The following DPP10 variants were observed in gnomAD, a reference collection of about 807,000 sequenced individuals.
The protein encoded by DPP10 is inactive dipeptidyl peptidase 10.
DPP10 carries 33 observed loss-of-function variants against 120.9 expected under a neutral mutation model. That is an observed-to-expected ratio of 0.27 (90% CI 0.21 to 0.37). The LOEUF (loss-of-function observed/expected upper bound fraction) is 0.37. DPP10 is among the 10% of genes least tolerant of loss of function. The probability of loss-of-function intolerance (pLI) is 1.00; values close to 1 mark genes in which losing one functional copy is unlikely to be tolerated. For synonymous variants in DPP10, 337 were observed against 326.1 expected (o/e 1.03, Z -0.36); for missense variants, 816 against 942.8 (o/e 0.87, Z 1.76).
chr2:114,980,263 G>A (rs1472064436), intron 1 of DPP10, among the ~76,000 whole-genome samples: 4 of 152,060 alleles, frequency 2.6e-5, no homozygotes, highest in Non-Finnish European at 4.4e-5. Context: ...TTGTGACTGT[G>A]TGTGTTTTAC....
intron 1 of DPP10, among the ~76,000 whole-genome samples, chr2:115,299,884 A>G (rs903281534): frequency 1.1e-4 from 17 of 152,058 alleles, no homozygotes; most frequent in Non-Finnish European, 1.5e-5. Context: ...TTTCACTGGA[A>G]TTACTTTAAA....
rs1449980548 is a variant in DPP10 at position 115,371,626 on chromosome 2, AT to A, written c.271+27721del. Among the ~76,000 whole-genome samples, 5 of 152,100 alleles carry A rather than the reference AT, an allele frequency of 3.3e-5. No homozygotes were observed. In the South Asian group the frequency reaches 6.2e-4, roughly 19 times the overall value. On this transcript the variant is annotated intron_variant, in intron 3 of 25. Transcript: ENST00000410059. ...AATTGTATTTATCATTCCCAGTATT[AT>A]TTTTTTCTTTAGCACAAACCCAAAC... is the stretch of plus-strand genomic sequence containing the variant.
chr2:115,511,908 G>A (rs1575060491), intron 4 of DPP10, among the ~76,000 whole-genome samples: 2 of 150,874 alleles, frequency 1.3e-5, no homozygotes, highest in South Asian at 2.1e-4. Context: ...TTTAAAAAAA[G>A]TTTTGTCACA....
At chr2:115,413,483 G>C (rs2069120601) in intron 3 of DPP10, among the ~76,000 whole-genome samples, 1 of 152,054 alleles carries the variant, frequency 6.6e-6, no homozygotes. Flanking sequence ...GTGTAAATTA[G>C]ATTTCTTTAT....
chr2:115,776,421 T>A lies in DPP10; in HGVS notation c.1222-787T>A, dbSNP rs1353495536. On this transcript the variant is annotated intron_variant, in intron 13 of 25. Coordinates refer to ENST00000410059, the MANE Select transcript of DPP10 (RefSeq NM_020868.6). ...GAATGATGGTTTCCAGCTTCATCCATGTCCCTGCAAAGGACATGAACTCAT... is the reference window on the plus strand; with the variant it reads ...GAATGATGGTTTCCAGCTTCATCCAAGTCCCTGCAAAGGACATGAACTCAT... Among the ~76,000 whole-genome samples the A allele has an allele frequency of 3.9e-5, 6 of 152,136 alleles. No homozygotes were observed. In the East Asian group the frequency reaches 1.2e-3, roughly 29 times the overall value.
chr2:114,639,676 T>G (rs1490350013), intron 1 of DPP10, among the ~76,000 whole-genome samples: 5 of 151,932 alleles, frequency 3.3e-5, no homozygotes, highest in Admixed American at 6.6e-5. Context: ...TAAAAATTAT[T>G]TCATAAAACA....
chr2:115,575,149 T>C (rs1323304610), intron 5 of DPP10, among the ~76,000 whole-genome samples: 1 of 152,160 alleles, frequency 6.6e-6, no homozygotes, highest in Non-Finnish European at 1.5e-5. Context: ...GTAAGATTGA[T>C]ACCAACATGA....
At chr2:114,602,701 T>C (rs1263930668) in intron 1 of DPP10, among the ~76,000 whole-genome samples, 3 of 151,796 alleles carry the variant, frequency 2.0e-5, no homozygotes, top group East Asian at 3.9e-4. Flanking sequence ...TAAGGGAGAG[T>C]GTATTCTTCA....
intron 1 of DPP10, among the ~76,000 whole-genome samples, chr2:114,567,834 G>C (rs1415400584): frequency 6.6e-6 from 1 of 152,044 alleles, no homozygotes; most frequent in East Asian, 1.9e-4. Context: ...CACAGGAACG[G>C]GAACAACACA....
At chr2:115,162,206 T>G (rs2052444354) in intron 1 of DPP10, 1 of 1,555,356 alleles carries the variant, frequency 6.4e-7, no homozygotes, top group South Asian at 1.2e-5. Flanking sequence ...TTAGAGCCTC[T>G]GCGTGCGCTC....
intron 5 of DPP10, among the ~76,000 whole-genome samples, chr2:115,648,200 A>G (rs893672822): frequency 5.9e-5 from 9 of 152,084 alleles, no homozygotes; most frequent in Non-Finnish European, 1.3e-4. Flanking sequence ...TATGGGAAAT[A>G]TATGTTTTTA....
At chr2:115,272,493 G>T (rs1240565139) in intron 1 of DPP10, among the ~76,000 whole-genome samples, 1 of 152,166 alleles carries the variant, frequency 6.6e-6, no homozygotes, top group Admixed American at 6.5e-5. Context: ...AAAAGGAAAA[G>T]AAAATAGAAT....
At chr2:115,209,884 A>G (rs970855361) in intron 1 of DPP10, among the ~76,000 whole-genome samples, 2 of 152,108 alleles carry the variant, frequency 1.3e-5, no homozygotes, top group Non-Finnish European at 2.9e-5. Context: ...GAAACACTTC[A>G]TTTCTATAAT....
At chr2:114,923,472 C>CTTTTTTT (rs71394115) in intron 1 of DPP10, among the ~76,000 whole-genome samples, 2 of 69,420 alleles carry the variant, frequency 2.9e-5, no homozygotes, top group Admixed American at 2.0e-4. Context: ...GCCTTTTTTC[C>CTTTTTTT]TTTTTTTTTT....
chr2:115,385,510 C>G (rs1026702481), intron 3 of DPP10, among the ~76,000 whole-genome samples: 3 of 152,114 alleles, frequency 2.0e-5, no homozygotes, highest in Non-Finnish European at 2.9e-5. Flanking sequence ...CGCCCGCCAC[C>G]ATGCTCGGCT....
chr2:114,521,804 G>A (rs970770040), intron 1 of DPP10, among the ~76,000 whole-genome samples: 16 of 112,740 alleles, frequency 1.4e-4, no homozygotes, highest in Middle Eastern at 4.8e-3. Context: ...ATTATCCAAG[G>A]TTTTTTTTTT....
At chr2:115,737,120 G>A (rs1676627453) in intron 8 of DPP10, among the ~76,000 whole-genome samples, 1 of 152,070 alleles carries the variant, frequency 6.6e-6, no homozygotes, top group South Asian at 2.1e-4. Flanking sequence ...GCTCGTTGTT[G>A]TACATCCTGC....
At chr2:114,943,622 G>A (rs1697134699) in intron 1 of DPP10, among the ~76,000 whole-genome samples, 1 of 152,140 alleles carries the variant, frequency 6.6e-6, no homozygotes, top group African/African-American at 2.4e-5. Context: ...ATTTGGGTTG[G>A]TTCCAAGTCT....
chr2:115,019,487 A>G (rs1702912463), intron 1 of DPP10, among the ~76,000 whole-genome samples: 1 of 152,210 alleles, frequency 6.6e-6, no homozygotes, highest in South Asian at 2.1e-4. Flanking sequence ...ATGAATTAAA[A>G]AAAATGAACA....
Sources: allele counts gnomAD v4.1 joint callset (sites outside exome capture counted in the v4.1 genomes callset), GRCh38; gene constraint gnomAD v4.1.1; transcripts MANE v1.5; gene names NCBI Gene and HGNC (gene_info 2026-07-23, HGNC 2026-07-21).